The following KDM4C variants were observed in gnomAD, a reference collection of about 807,000 sequenced individuals.
KDM4C encodes the protein lysine-specific demethylase 4C.
A neutral mutation model predicts 129.3 loss-of-function variants in KDM4C; 81 were observed. The ratio of observed to expected loss-of-function variants is 0.63; its 90% CI spans 0.52 to 0.75. The LOEUF is 0.75. Among genes scored for constraint, KDM4C ranks in the 30% least tolerant of loss-of-function variants. KDM4C has a pLI of 0.00. For missense variants in KDM4C, 1,457 were observed against 1,304.0 expected (o/e 1.12, Z -1.81); for synonymous variants, 573 against 456.1 (o/e 1.26, Z -3.26).
chr9:7,167,619 C>T (rs1352077418), intron 20 of KDM4C, among the ~76,000 whole-genome samples: 1 of 152,190 alleles, frequency 6.6e-6, no homozygotes, highest in East Asian at 1.9e-4. Flanking sequence ...GCACCTAATT[C>T]CACTGTATTG....
At chr9:7,150,587 C>T (rs1842640572) in intron 19 of KDM4C, among the ~76,000 whole-genome samples, 1 of 152,262 alleles carries the variant, frequency 6.6e-6, no homozygotes, top group Middle Eastern at 3.4e-3. Flanking sequence ...CCAGAGGACA[C>T]ACTCAGAGGG....
chr9:6,867,003 A>G (rs7851631), intron 5 of KDM4C, among the ~76,000 whole-genome samples: 6,145 of 81,100 alleles, frequency 0.076, 244 homozygotes, highest in African/African-American at 0.2. Flanking sequence ...GTGTGTGTAT[A>G]TATATATATA....
At chr9:6,924,165 A>G (rs1822052754) in intron 8 of KDM4C, among the ~76,000 whole-genome samples, 1 of 152,220 alleles carries the variant, frequency 6.6e-6, no homozygotes, top group South Asian at 2.1e-4. Flanking sequence ...TTAATACAGA[A>G]TAAGAACATA....
At position 6,986,480 on chromosome 9, in the gene KDM4C, C is replaced by T. The variant is rs41306096; in HGVS notation, c.1491C>T (p.Pro497=). 1,913 of 1,613,986 alleles carry T rather than the reference C, an allele frequency of 1.2e-3. 3 individuals carry two copies. Among genetic ancestry groups the T allele is most frequent in the Non-Finnish European group, 1.4e-3 (1,652 of 1,180,018 alleles). Residue 497 remains proline, a synonymous_variant, in exon 11 of 22, where the codon CCC becomes CCT. Transcript: ENST00000381309. ...SIPLSSGYEK[P]EKSDPSELSW... is the part of the protein sequence containing the mutation. ...CATTGTCTAGTGGCTATGAGAAGCC[C>T]GAGAAATCAGACCCATCCGAGCTTT...
chr9:6,841,829 C>T (rs960138058), intron 4 of KDM4C, among the ~76,000 whole-genome samples: 1 of 152,210 alleles, frequency 6.6e-6, no homozygotes, highest in Non-Finnish European at 1.5e-5. Context: ...TAAGTTCTAG[C>T]AGACCTTCCC....
intron 4 of KDM4C, among the ~76,000 whole-genome samples, chr9:6,840,628 C>T (rs1032900563): frequency 8.9e-4 from 135 of 152,266 alleles, no homozygotes; most frequent in African/African-American, 3.2e-3. Flanking sequence ...AACTTCTGAC[C>T]TTGTGATCCG....
chr9:6,826,548 G>A (rs749258495), intron 4 of KDM4C, among the ~76,000 whole-genome samples: 9 of 152,040 alleles, frequency 5.9e-5, no homozygotes, highest in Non-Finnish European at 7.4e-5. Flanking sequence ...GATGATAGAT[G>A]TTCTTCAACA....
At chr9:7,067,920 C>G (rs772234218) in intron 17 of KDM4C, among the ~76,000 whole-genome samples, 1 of 152,028 alleles carries the variant, frequency 6.6e-6, no homozygotes, top group East Asian at 1.9e-4. Context: ...CTCAGCCTCC[C>G]GAGTAGCTGG....
chr9:7,048,276 G>T (rs1829690046), intron 16 of KDM4C, among the ~76,000 whole-genome samples: 1 of 152,076 alleles, frequency 6.6e-6, no homozygotes, highest in South Asian at 2.1e-4. Context: ...AGAATGCCCT[G>T]GTGGGATCGA....
intron 4 of KDM4C, among the ~76,000 whole-genome samples, chr9:6,818,003 G>C (rs1036583437): frequency 1.3e-5 from 2 of 152,030 alleles, no homozygotes; most frequent in Non-Finnish European, 2.9e-5. Context: ...CTGACCTTGT[G>C]ATCTGCCTAC....
chr9:6,888,066 A>T lies in KDM4C; in HGVS notation c.783+3A>T. 1 of 1,438,962 alleles carries T rather than the reference A, an allele frequency of 6.9e-7. No homozygotes were observed. Among genetic ancestry groups the T allele is most frequent in the Non-Finnish European group, 9.7e-7 (1 of 1,030,030 alleles). 89.1% of individuals were successfully genotyped at this position (1,438,962 alleles called of 1,614,324 possible). On this transcript the variant is annotated splice_donor_region_variant and intron_variant, in intron 7 of 21. Transcript: ENST00000381309. Reference sequence around the variant, plus strand: ...AATATGGTATTCCCTTTGACAAGGTATGTTAGTATTCATCTTACACAAATT... The same window carrying T: ...AATATGGTATTCCCTTTGACAAGGTTTGTTAGTATTCATCTTACACAAATT...
intron 9 of KDM4C, chr9:6,982,556 G>T (rs1816954330): frequency 6.6e-6 from 1 of 152,150 alleles, no homozygotes. Flanking sequence ...CTCACTGTGG[G>T]TTACATTCAA....
intron 4 of KDM4C, among the ~76,000 whole-genome samples, chr9:6,823,600 G>A (rs933895308): frequency 2.6e-5 from 4 of 152,176 alleles, no homozygotes; most frequent in Non-Finnish European, 4.4e-5. Context: ...ACTGAATCAC[G>A]TTGCTCCTTC....
chr9:7,028,287 CT>C (rs987707512), intron 15 of KDM4C, among the ~76,000 whole-genome samples: 3 of 151,616 alleles, frequency 2.0e-5, no homozygotes, highest in African/African-American at 4.9e-5. Flanking sequence ...GGCTCAAGGG[CT>C]GTTTAGTCAG....
chr9:7,154,302 C>A (rs185312261), intron 19 of KDM4C, among the ~76,000 whole-genome samples: 9 of 152,202 alleles, frequency 5.9e-5, no homozygotes, highest in African/African-American at 1.9e-4. Context: ...TGGCATTTCG[C>A]CCCAGGTCAC....
intron 5 of KDM4C, among the ~76,000 whole-genome samples, chr9:6,861,631 T>C (rs1840937794): frequency 1.3e-5 from 2 of 152,162 alleles, no homozygotes; most frequent in Admixed American, 6.5e-5. Context: ...ATATAGCCAA[T>C]TGTCATGAAT....
chr9:6,854,424 C>A (rs760932914), intron 5 of KDM4C, among the ~76,000 whole-genome samples: 3 of 147,398 alleles, frequency 2.0e-5, no homozygotes, highest in Non-Finnish European at 4.4e-5. Context: ...ACTCGGGAGA[C>A]TGAGGAAGGA....
At chr9:7,149,143 C>T (rs1564179080) in intron 19 of KDM4C, among the ~76,000 whole-genome samples, 1 of 152,242 alleles carries the variant, frequency 6.6e-6, no homozygotes. Flanking sequence ...TGGCCTCACT[C>T]CCGTGCTCCT....
chr9:7,062,431 A>T (rs982020911), intron 17 of KDM4C, among the ~76,000 whole-genome samples: 1 of 152,040 alleles, frequency 6.6e-6, no homozygotes, highest in African/African-American at 2.4e-5. Context: ...TCTGTTGCCC[A>T]GGCTGGAGTG....
Sources: gnomAD v4.1 joint callset for allele counts (sites outside exome capture counted in the v4.1 genomes callset) on GRCh38, gnomAD v4.1.1 for gene constraint, MANE v1.5 for transcripts, NCBI Gene and HGNC (gene_info 2026-07-23, HGNC 2026-07-21) for gene names.